The following AUTS2 variants were observed in gnomAD, a reference collection of about 807,000 sequenced individuals.
AUTS2 encodes the protein activator of transcription and developmental regulator AUTS2.
Under a neutral mutation model 112.4 loss-of-function variants are expected in AUTS2, and 17 were observed. The observed-to-expected ratio is 0.15, with a 90% confidence interval of 0.10 to 0.23. The LOEUF (loss-of-function observed/expected upper bound fraction) is 0.23, where lower values mean the gene tolerates loss of function less well. AUTS2 is among the 10% of genes least tolerant of loss of function. The probability of loss-of-function intolerance (pLI) is 1.00; values close to 1 mark genes in which losing one functional copy is unlikely to be tolerated. For missense variants in AUTS2, 1,510 were observed against 1,701.6 expected (o/e 0.89, Z 1.98); for synonymous variants, 751 against 702.7 (o/e 1.07, Z -1.09).
intron 1 of AUTS2, among the ~76,000 whole-genome samples, chr7:69,761,935 T>G (rs1271402252): frequency 6.6e-6 from 1 of 152,236 alleles, no homozygotes; most frequent in East Asian, 1.9e-4. Context: ...TGTTTTTTAT[T>G]CATTTGCACA....
chr7:70,366,945 T>C (rs1383836655), intron 4 of AUTS2, among the ~76,000 whole-genome samples: 1 of 152,116 alleles, frequency 6.6e-6, no homozygotes, highest in African/African-American at 2.4e-5. Context: ...TGGAGAACTT[T>C]GGCTAACAAA....
At chr7:69,878,872 G>A (rs1346796615) in intron 1 of AUTS2, among the ~76,000 whole-genome samples, 1 of 152,082 alleles carries the variant, frequency 6.6e-6, no homozygotes, top group Non-Finnish European at 1.5e-5. Flanking sequence ...CTTAAGATAG[G>A]GTGTCCTGCT....
At chr7:70,719,301 G>A (rs1377158099) in intron 6 of AUTS2, among the ~76,000 whole-genome samples, 1 of 152,198 alleles carries the variant, frequency 6.6e-6, no homozygotes, top group Non-Finnish European at 1.5e-5. Context: ...AGTGTACACT[G>A]TAAACAAGAG....
chr7:69,763,487 T>C (rs1396132746), intron 1 of AUTS2, among the ~76,000 whole-genome samples: 1 of 152,182 alleles, frequency 6.6e-6, no homozygotes, highest in Non-Finnish European at 1.5e-5. Flanking sequence ...GTAGGTCCAT[T>C]TGAAATGGCT....
At chr7:70,405,336 T>A (rs1017071527) in intron 4 of AUTS2, among the ~76,000 whole-genome samples, 2 of 152,232 alleles carry the variant, frequency 1.3e-5, no homozygotes, top group Non-Finnish European at 2.9e-5. Context: ...GCCATCTCTG[T>A]CTTCATAGAC....
At chr7:70,669,229 G>GC (rs761814726) in intron 5 of AUTS2, among the ~76,000 whole-genome samples, 44 of 152,194 alleles carry the variant, frequency 2.9e-4, no homozygotes, top group Admixed American at 4.6e-4. Flanking sequence ...TCTAAGCCTG[G>GC]CAGGGCCTGG....
chr7:69,628,377 G>A (rs931491088), intron 1 of AUTS2, among the ~76,000 whole-genome samples: 2 of 152,142 alleles, frequency 1.3e-5, no homozygotes, highest in African/African-American at 4.8e-5. Context: ...GTTTTCTGTA[G>A]CTTCTAGCAA....
intron 4 of AUTS2, among the ~76,000 whole-genome samples, chr7:70,344,953 T>C (rs532454428): frequency 1.1e-4 from 17 of 152,332 alleles, no homozygotes; most frequent in Admixed American, 1.0e-3. Context: ...ATGCTATTAC[T>C]TGTCTCAGAT....
At chr7:70,074,136 ATTGT>A (rs1286120405) in intron 2 of AUTS2, among the ~76,000 whole-genome samples, 1 of 152,242 alleles carries the variant, frequency 6.6e-6, no homozygotes, top group Non-Finnish European at 1.5e-5. Context: ...ACTTGGCAGA[ATTGT>A]TTGTCAACTG....
intron 1 of AUTS2, among the ~76,000 whole-genome samples, chr7:69,870,479 T>C (rs6947326): frequency 0.36 from 12,591 of 34,802 alleles, 1,096 homozygotes; most frequent in African/African-American, 0.48. Context: ...ATTCACGTTA[T>C]ATACAGACAT....
chr7:70,693,868 G>A (rs1808890722), intron 5 of AUTS2, among the ~76,000 whole-genome samples: 1 of 152,084 alleles, frequency 6.6e-6, no homozygotes, highest in Non-Finnish European at 1.5e-5. Flanking sequence ...GGGAGCCGAG[G>A]GCTCGAGCCG....
At chr7:70,102,530 A>ATC (rs1468545766) in intron 2 of AUTS2, among the ~76,000 whole-genome samples, 1 of 151,792 alleles carries the variant, frequency 6.6e-6, no homozygotes, top group South Asian at 2.1e-4. Flanking sequence ...CTTTGGTTAG[A>ATC]TCACACACAC....
At chr7:70,030,345 G>A (rs1800718658) in intron 2 of AUTS2, among the ~76,000 whole-genome samples, 1 of 152,136 alleles carries the variant, frequency 6.6e-6, no homozygotes, top group Non-Finnish European at 1.5e-5. Context: ...ACATTTGACA[G>A]GTGTGAGGTT....
At chr7:70,047,322 G>A (rs1801549847) in intron 2 of AUTS2, among the ~76,000 whole-genome samples, 1 of 152,128 alleles carries the variant, frequency 6.6e-6, no homozygotes, top group Non-Finnish European at 1.5e-5. Flanking sequence ...AGTATTCCAG[G>A]CAGAATGCTA....
At chr7:69,601,638 A>G (rs1342087111) in intron 1 of AUTS2, among the ~76,000 whole-genome samples, 1 of 151,772 alleles carries the variant, frequency 6.6e-6, no homozygotes, top group Non-Finnish European at 1.5e-5. Context: ...GATGTTAGTG[A>G]TTGAATCAGT....
At chr7:70,452,444 G>A (rs1254977383) in intron 5 of AUTS2, among the ~76,000 whole-genome samples, 3 of 152,162 alleles carry the variant, frequency 2.0e-5, no homozygotes, top group Admixed American at 2.0e-4. Flanking sequence ...GGGCGACAGA[G>A]CAAGATCCTG....
chr7:70,698,529 T>C lies in AUTS2; in HGVS notation c.691-40T>C, dbSNP rs188901626. On this transcript the variant is annotated intron_variant, in intron 5 of 18. Coordinates refer to ENST00000342771, the MANE Select transcript of AUTS2 (RefSeq NM_015570.4). ...ATGTTGATGGTGATGACAATATTAA[T>C]GACAATAATAATGCTTTTTTCCCCC... 4.5e-6 allele frequency: 7 copies of C among 1,541,954 alleles called. No homozygotes were observed. In the Admixed American group the frequency reaches 8.8e-5, roughly 19 times the overall value.
At chr7:69,783,204 C>T (rs1046886853) in intron 1 of AUTS2, among the ~76,000 whole-genome samples, 12 of 150,476 alleles carry the variant, frequency 8.0e-5, no homozygotes, top group African/African-American at 2.9e-4. Context: ...TCCTCTTCGG[C>T]TCATTGAGAA....
At chr7:70,208,679 G>A (rs998133448) in intron 4 of AUTS2, among the ~76,000 whole-genome samples, 4 of 151,982 alleles carry the variant, frequency 2.6e-5, no homozygotes, top group Non-Finnish European at 4.4e-5. Flanking sequence ...TACTTGTGAG[G>A]CTATGGAGAA....
Sources: allele counts gnomAD v4.1 joint callset (sites outside exome capture counted in the v4.1 genomes callset), GRCh38; gene constraint gnomAD v4.1.1; transcripts MANE v1.5; gene names NCBI Gene and HGNC (gene_info 2026-07-23, HGNC 2026-07-21).